The following RORA variants were observed in gnomAD, a reference collection of about 807,000 sequenced individuals.
RORA encodes the protein nuclear receptor ROR-alpha.
In RORA, 7 loss-of-function variants were observed where a neutral mutation model predicts 69.5. The observed-to-expected ratio is 0.10, with a 90% confidence interval of 0.06 to 0.19. RORA has a LOEUF of 0.19. RORA is among the 10% of genes least tolerant of loss of function. The probability of loss-of-function intolerance (pLI) is 1.00; values close to 1 mark genes in which losing one functional copy is unlikely to be tolerated. For synonymous variants in RORA, 261 were observed against 240.8 expected, an observed-to-expected ratio of 1.08 and a Z score of -0.78; for missense variants, 457 against 663.0, an observed-to-expected ratio of 0.69 and a Z score of 3.41.
In RORA at chr15:60,989,847, G is replaced by C. The variant is rs114189483; in HGVS notation, c.166+239206C>G. 6.0e-3 allele frequency among the ~76,000 whole-genome samples: 904 copies of C among 150,090 alleles called. 8 individuals carry two copies. The highest frequency in any genetic ancestry group is 0.021 in the African/African-American group (859 of 40,688). On this transcript the variant is annotated intron_variant, in intron 1 of 10. Coordinates refer to ENST00000335670, the MANE Select transcript of RORA (RefSeq NM_134261.3). Reference sequence around the variant, plus strand: ...CTCTCCACTCAAACACCCTGAGGTCGAGTCAGGATTGGAATCTAGTCCAGA... The same window carrying C: ...CTCTCCACTCAAACACCCTGAGGTCCAGTCAGGATTGGAATCTAGTCCAGA...
At chr15:61,079,635 T>C (rs796094312) in intron 1 of RORA, among the ~76,000 whole-genome samples, 9 of 152,266 alleles carry the variant, frequency 5.9e-5, no homozygotes, top group African/African-American at 2.2e-4. Context: ...ACTCTTGTGA[T>C]AGGGATGGAA....
chr15:60,955,175 G>A (rs551249486), intron 1 of RORA, among the ~76,000 whole-genome samples: 2 of 152,270 alleles, frequency 1.3e-5, no homozygotes, highest in East Asian at 3.9e-4. Flanking sequence ...GGTGATGCAT[G>A]CCTGTAATCC....
rs116844744 is a variant in RORA, at chr15:60,800,508, C to T, written c.167-121822G>A. 2.6e-5 allele frequency among the ~76,000 whole-genome samples: 4 copies of T among 152,290 alleles called. No individual in the cohort carries two copies. In the East Asian group the frequency reaches 7.7e-4, roughly 29 times the overall value. The stretch of plus-strand genomic sequence containing the variant: ...CAAGGAAGAGGTGAAGATTTCACAT[C>T]GTTTCTTCCTTTGATGTTAAAAAGA... On this transcript the variant is annotated intron_variant, in intron 1 of 10. Coordinates refer to ENST00000335670, the MANE Select transcript of RORA (RefSeq NM_134261.3).
At chr15:61,093,413 G>A (rs553890141) in intron 1 of RORA, among the ~76,000 whole-genome samples, 2 of 152,334 alleles carry the variant, frequency 1.3e-5, no homozygotes, top group African/African-American at 4.8e-5. Context: ...ATATAGGCAT[G>A]AGGCCACATG....
chr15:60,585,647 C>A (rs757697430), intron 2 of RORA, among the ~76,000 whole-genome samples: 5 of 152,024 alleles, frequency 3.3e-5, no homozygotes, highest in Non-Finnish European at 5.9e-5. Flanking sequence ...TAAAAAAATA[C>A]GAGGATTACT....
At chr15:60,508,477 A>G (rs561973048) in intron 5 of RORA, among the ~76,000 whole-genome samples, 9 of 152,354 alleles carry the variant, frequency 5.9e-5, no homozygotes, top group Admixed American at 3.3e-4. Flanking sequence ...ACTATATGCC[A>G]GTCCCACATA....
chr15:60,983,200 C>T (rs1179058805), intron 1 of RORA, among the ~76,000 whole-genome samples: 2 of 152,156 alleles, frequency 1.3e-5, no homozygotes, highest in African/African-American at 4.8e-5. Flanking sequence ...TTTCATTATA[C>T]TCTGTTCCCT....
rs7180821 is a variant in RORA, at chr15:60,810,134, T to G, written c.167-131448A>C. ...TCAAGTTTGATGGTGCATCTTTCAGTAGTCTCCTGAAAGAGTGTGTGTAAG... is the reference window on the plus strand; with the variant it reads ...TCAAGTTTGATGGTGCATCTTTCAGGAGTCTCCTGAAAGAGTGTGTGTAAG... On this transcript the variant is annotated intron_variant, in intron 1 of 10. Transcript: ENST00000335670. Among the ~76,000 whole-genome samples the G allele has an allele frequency of 5.3e-3, 803 of 152,288 alleles. 8 individuals are homozygous for G. Among genetic ancestry groups the G allele is most frequent in the African/African-American group, 0.018 (763 of 41,558 alleles).
chr15:60,554,181 TG>T (rs997316811), intron 2 of RORA, among the ~76,000 whole-genome samples: 15 of 152,180 alleles, frequency 9.9e-5, no homozygotes, highest in African/African-American at 3.6e-4. Flanking sequence ...TGCTGATAAT[TG>T]ATTTTTTAAA....
chr15:60,925,334 C>T (rs752328292), intron 1 of RORA, among the ~76,000 whole-genome samples: 71 of 151,972 alleles, frequency 4.7e-4, no homozygotes, highest in Non-Finnish European at 8.7e-4. Flanking sequence ...GGATTGGCTT[C>T]GAAGAGAATA....
chr15:60,713,625 G>C (rs1450704318), intron 1 of RORA, among the ~76,000 whole-genome samples: 1 of 152,138 alleles, frequency 6.6e-6, no homozygotes, highest in Non-Finnish European at 1.5e-5. Context: ...TATTCCCACA[G>C]GAGGGAGGTG....
At chr15:61,221,138 G>C (rs932763593) in intron 1 of RORA, among the ~76,000 whole-genome samples, 2 of 152,220 alleles carry the variant, frequency 1.3e-5, no homozygotes, top group Admixed American at 1.3e-4. Context: ...ACAGTTGACT[G>C]TCAATTAATC....
At chr15:60,840,093 C>T (rs2073176052) in intron 1 of RORA, among the ~76,000 whole-genome samples, 1 of 152,006 alleles carries the variant, frequency 6.6e-6, no homozygotes, top group Non-Finnish European at 1.5e-5. Flanking sequence ...TAGAATTGGG[C>T]CTAAGATGGC....
intron 2 of RORA, chr15:60,650,758 C>G (rs2070130887): frequency 6.6e-6 from 1 of 152,130 alleles, no homozygotes; most frequent in South Asian, 2.1e-4. Flanking sequence ...AAATTAACTT[C>G]CAGAATAAAG....
chr15:61,158,929 C>T (rs2079469790), intron 1 of RORA, among the ~76,000 whole-genome samples: 1 of 152,146 alleles, frequency 6.6e-6, no homozygotes, highest in South Asian at 2.1e-4. Context: ...TAACCAAGGA[C>T]AGAGGATATC....
chr15:61,146,250 C>T (rs1288739020), intron 1 of RORA, among the ~76,000 whole-genome samples: 2 of 152,150 alleles, frequency 1.3e-5, no homozygotes, highest in African/African-American at 4.8e-5. Flanking sequence ...TTTATCACTT[C>T]GCCCAGACCC....
intron 1 of RORA, among the ~76,000 whole-genome samples, chr15:61,077,496 G>C (rs1464687386): frequency 6.6e-6 from 1 of 152,128 alleles, no homozygotes; most frequent in African/African-American, 2.4e-5. Flanking sequence ...GTGAAAGGCA[G>C]AAACTGTTTT....
chr15:61,050,452 C>T (rs1168457088), intron 1 of RORA, among the ~76,000 whole-genome samples: 1 of 152,180 alleles, frequency 6.6e-6, no homozygotes, highest in Non-Finnish European at 1.5e-5. Flanking sequence ...CAGTCAATAA[C>T]TCTCTTAAAG....
At chr15:60,886,119 G>A (rs1217520164) in intron 1 of RORA, among the ~76,000 whole-genome samples, 2 of 152,118 alleles carry the variant, frequency 1.3e-5, no homozygotes, top group Admixed American at 6.5e-5. Context: ...TATCCAAAAA[G>A]TCCTTCAGTA....
Sources: allele counts gnomAD v4.1 joint callset (sites outside exome capture counted in the v4.1 genomes callset), GRCh38; gene constraint gnomAD v4.1.1; transcripts MANE v1.5; gene names NCBI Gene and HGNC (gene_info 2026-07-23, HGNC 2026-07-21).